CD9: variants seen among roughly 807,000 people sequenced by gnomAD.
CD9 encodes the protein CD9 antigen.
Under a neutral mutation model 31.4 loss-of-function variants are expected in CD9, and 10 were observed. The observed-to-expected ratio is 0.32, with a 90% CI of 0.20 to 0.54. The LOEUF (loss-of-function observed/expected upper bound fraction) is 0.54. Ranked by LOEUF, CD9 falls within the 20% of genes least tolerant of loss-of-function variation. The pLI is 0.94. For missense variants in CD9, 259 were observed against 300.1 expected, an observed-to-expected ratio of 0.86 and a Z score of 1.01; for synonymous variants, 113 against 114.1, an observed-to-expected ratio of 0.99 and a Z score of 0.06.
intron 2 of CD9, among the ~76,000 whole-genome samples, chr12:6,229,540 A>G (rs1048209332): frequency 3.9e-5 from 6 of 152,152 alleles, no homozygotes; most frequent in Non-Finnish European, 8.8e-5. Flanking sequence ...CCAAGACGAA[A>G]CCAGTCGGGG....
chr12:6,215,882 C>A (rs755201904), intron 1 of CD9, among the ~76,000 whole-genome samples: 1 of 152,296 alleles, frequency 6.6e-6, no homozygotes, highest in South Asian at 2.1e-4. Context: ...CTGATTACAG[C>A]GGAGTTTTGG....
intron 6 of CD9, 102 bp downstream of exon 6, chr12:6,235,667 G>C: frequency 6.8e-7 from 1 of 1,461,142 alleles, no homozygotes; most frequent in Non-Finnish European, 9.1e-7. Context: ...AGCAAGACCC[G>C]TTCTGCCTGT....
At chr12:6,221,496 C>T (rs1182380063) in intron 1 of CD9, among the ~76,000 whole-genome samples, 2 of 152,190 alleles carry the variant, frequency 1.3e-5, no homozygotes, top group Admixed American at 6.5e-5. Flanking sequence ...GAAGAAATTA[C>T]ATGGTCAGCA....
rs761288196 is a variant in CD9 at position 6,233,445 on chromosome 12, G to C, written c.307G>C (p.Glu103Gln). The C allele has an allele frequency of 2.4e-5, 39 of 1,614,018 alleles. No homozygotes were observed. The highest frequency in any genetic ancestry group is 3.0e-5 in the Non-Finnish European group (35 of 1,179,998). Reference protein sequence around the residue: ...FGFLLVIFAIEIAAAIWGYSH... With the variant: ...FGFLLVIFAIQIAAAIWGYSH... ...CTTCCTCTTGGTGATATTCGCCATT[G>C]AAATAGCTGCGGCCATCTGGGGATA... Residue 103 changes from glutamate to glutamine, a missense_variant, in exon 4 of 8, where the codon GAA becomes CAA. Glu to Gln is a conservative substitution (Grantham distance 29, BLOSUM62 2). Transcript: ENST00000009180.
chr12:6,219,766 A>G (rs1208952129), intron 1 of CD9, among the ~76,000 whole-genome samples: 1 of 152,192 alleles, frequency 6.6e-6, no homozygotes, highest in East Asian at 1.9e-4. Context: ...ATGACAGGCA[A>G]GAGCCACTGC....
chr12:6,218,761 T>G (rs1946265417), intron 1 of CD9, among the ~76,000 whole-genome samples: 1 of 152,106 alleles, frequency 6.6e-6, no homozygotes, highest in Non-Finnish European at 1.5e-5. Flanking sequence ...CGTGGGAGCC[T>G]TGGGTGAATT....
Position 6,200,406 on chromosome 12 carries a change from C to G in CD9, c.-94C>G, listed in dbSNP as rs1414515830. ...CAGCCGGAGACCAGCCTACAGCCGC[C>G]TGCATCTGTATCCAGCGCCAGGTCC... is the stretch of plus-strand genomic sequence containing the variant. On this transcript the variant is annotated 5_prime_UTR_variant, in exon 1 of 8. Transcript: ENST00000009180. The G allele has an allele frequency of 1.1e-5, 9 of 803,578 alleles. No individual in the cohort carries two copies. The East Asian group carries it at 2.3e-4, about 20-fold the overall frequency. 49.8% of individuals were successfully genotyped at this position (803,578 alleles called of 1,614,324 possible).
intron 2 of CD9, 151 bp downstream of exon 2, chr12:6,225,685 A>G: frequency 1.7e-6 from 1 of 596,916 alleles, no homozygotes; most frequent in Non-Finnish European, 3.0e-6. Flanking sequence ...CAAGTTGTGC[A>G]GTTTTTGTGT....
chr12:6,200,249 G>GGGGGGC, upstream of CD9: 1 of 173,762 alleles, frequency 5.8e-6, no homozygotes, highest in Non-Finnish European at 1.2e-5. Context: ...GGCGGGGGGC[G>GGGGGGC]GGGGGGGTGC....
At chr12:6,227,221 G>A (rs1332679134) in intron 2 of CD9, among the ~76,000 whole-genome samples, 18 of 147,416 alleles carry the variant, frequency 1.2e-4, no homozygotes, top group East Asian at 1.9e-4. Context: ...TTTTTGAGAC[G>A]AAGTTTCAAT....
intron 1 of CD9, among the ~76,000 whole-genome samples, chr12:6,214,268 G>T (rs1461193338): frequency 6.7e-6 from 1 of 148,874 alleles, no homozygotes; most frequent in Non-Finnish European, 1.5e-5. Context: ...CTTGTACATA[G>T]TAACTTCTAC....
At position 6,235,584 on chromosome 12, in the gene CD9, C is replaced by T. The variant is rs374755978; in HGVS notation, c.537+19C>T. ...CGTGAAGGTAAACTCAGACCAGGAT[C>T]CTGGTGTCCCTGCCCCCATTGCTCT... On this transcript the variant is annotated intron_variant, in intron 6 of 7. Coordinates refer to ENST00000009180, the MANE Select transcript of CD9 (RefSeq NM_001769.4). The T allele has an allele frequency of 6.3e-5, 100 of 1,596,706 alleles. No homozygotes were observed. The highest frequency in any genetic ancestry group is 6.5e-5 in the Non-Finnish European group (76 of 1,168,616).
chr12:6,212,754 C>T (rs1946205604), intron 1 of CD9, among the ~76,000 whole-genome samples: 1 of 152,206 alleles, frequency 6.6e-6, no homozygotes, highest in African/African-American at 2.4e-5. Context: ...CCATAATCAT[C>T]TCAGTGTCTA....
chr12:6,209,215 C>A (rs974284814), intron 1 of CD9, among the ~76,000 whole-genome samples: 3 of 152,224 alleles, frequency 2.0e-5, no homozygotes, highest in African/African-American at 7.2e-5. Flanking sequence ...CCACCTCTGC[C>A]TCCCAAAGTG....
At chr12:6,231,550 C>G (rs1307666604) in intron 2 of CD9, among the ~76,000 whole-genome samples, 1 of 152,228 alleles carries the variant, frequency 6.6e-6, no homozygotes, top group Non-Finnish European at 1.5e-5. Context: ...TGCAGGACAG[C>G]TGTGGCTTCT....
intron 2 of CD9, among the ~76,000 whole-genome samples, chr12:6,230,999 T>C (rs1946438602): frequency 6.6e-6 from 1 of 152,142 alleles, no homozygotes; most frequent in African/African-American, 2.4e-5. Context: ...GCCTGCAAAG[T>C]CTCACCCCTG....
chr12:6,222,213 C>T (rs891410213), intron 1 of CD9, among the ~76,000 whole-genome samples: 1 of 152,236 alleles, frequency 6.6e-6, no homozygotes, highest in Non-Finnish European at 1.5e-5. Flanking sequence ...ATGTCTCCAA[C>T]AGCGTTACAG....
Position 6,236,205 on chromosome 12 carries a change from C to G in CD9, c.551C>G (p.Ala184Gly), listed in dbSNP as rs1565430656. The change falls in exon 7 of 8, where the codon GCC (alanine) becomes GGC (glycine). Residue 184 changes from alanine (A) to glycine (G), a missense_variant. Transcript: ENST00000009180. ...ETFTVKSCPD[A>G]IKEVFDNKFH... is the part of the protein sequence containing the mutation. ...TGTCTCCCCAAGTCCTGTCCTGATG[C>G]CATCAAAGAGGTCTTCGACAATAAA... 6.2e-7 allele frequency: 1 copy of G among 1,614,210 alleles called. No homozygotes were observed. The highest frequency in any genetic ancestry group is 1.7e-5 in the Admixed American group (1 of 60,028).
chr12:6,228,558 C>CAAAAAA (rs5796224), intron 2 of CD9, among the ~76,000 whole-genome samples: 3 of 68,334 alleles, frequency 4.4e-5, no homozygotes, highest in Non-Finnish European at 8.3e-5. Context: ...GACTCCATCT[C>CAAAAAA]AAAAAAAAAA....
Sources: allele counts gnomAD v4.1 joint callset (sites outside exome capture counted in the v4.1 genomes callset), GRCh38; gene constraint gnomAD v4.1.1; transcripts MANE v1.5; gene names NCBI Gene and HGNC (gene_info 2026-07-23, HGNC 2026-07-21).